Variants in PCNX2 observed in about 807,000 individuals in gnomAD.
PCNX2 encodes the protein pecanex 2.
In PCNX2, 168 loss-of-function variants were observed where a neutral mutation model predicts 223.8. The ratio of observed to expected loss-of-function variants is 0.75; its 90% confidence interval spans 0.66 to 0.85. The LOEUF (loss-of-function observed/expected upper bound fraction) is 0.85. Among genes scored for constraint, PCNX2 ranks in the 40% least tolerant of loss-of-function variants. PCNX2 has a pLI of 0.00. For missense variants in PCNX2, 2,507 were observed against 2,675.5 expected (o/e 0.94, Z 1.39); for synonymous variants, 1,006 against 1,052.6 (o/e 0.96, Z 0.86).
At chr1:233,177,573 G>A (rs534495253) in intron 17 of PCNX2, among the ~76,000 whole-genome samples, 215 of 152,332 alleles carry the variant, frequency 1.4e-3, no homozygotes, top group Admixed American at 5.0e-3. Flanking sequence ...TGCTGAGTAA[G>A]TTAAATTTAC....
intron 17 of PCNX2, among the ~76,000 whole-genome samples, chr1:233,171,127 G>GTTT (rs147948045): frequency 0.078 from 11,916 of 151,954 alleles, 670 homozygotes; most frequent in East Asian, 0.31. Context: ...GTCTAAACTT[G>GTTT]TTTATTATTA....
chr1:233,018,828 G>A, intron 26 of PCNX2: 1 of 985,450 alleles, frequency 1.0e-6, no homozygotes, highest in Non-Finnish European at 1.2e-6. Context: ...AGGGATGTGT[G>A]CTCCTGTTAG....
At chr1:233,196,496 T>C (rs1680743685) in intron 15 of PCNX2, among the ~76,000 whole-genome samples, 1 of 152,098 alleles carries the variant, frequency 6.6e-6, no homozygotes, top group African/African-American at 2.4e-5. Flanking sequence ...CTAGATTATG[T>C]AAAGAACTCT....
intron 28 of PCNX2, among the ~76,000 whole-genome samples, chr1:233,007,066 C>T (rs1054795936): frequency 5.9e-5 from 9 of 151,924 alleles, no homozygotes; most frequent in African/African-American, 2.2e-4. Flanking sequence ...ATTCCCCAAA[C>T]AAAAACAATG....
At chr1:233,279,429 T>C (rs970643421) in intron 1 of PCNX2, among the ~76,000 whole-genome samples, 4 of 149,388 alleles carry the variant, frequency 2.7e-5, no homozygotes, top group Non-Finnish European at 6.0e-5. Context: ...GTGTAAAATA[T>C]TTATATATAT....
At chr1:233,264,305 C>T (rs1346229712) in intron 1 of PCNX2, among the ~76,000 whole-genome samples, 1 of 152,146 alleles carries the variant, frequency 6.6e-6, no homozygotes, top group Non-Finnish European at 1.5e-5. Flanking sequence ...CTCAATGATT[C>T]GCAAGACCAT....
At chr1:233,174,501 C>T (rs1038677479) in intron 17 of PCNX2, among the ~76,000 whole-genome samples, 1 of 151,594 alleles carries the variant, frequency 6.6e-6, no homozygotes, top group African/African-American at 2.4e-5. Context: ...TTATATAGTA[C>T]TTCACACTCC....
At chr1:233,055,965 C>G (rs1460680924) in intron 24 of PCNX2, among the ~76,000 whole-genome samples, 2 of 152,204 alleles carry the variant, frequency 1.3e-5, no homozygotes, top group Non-Finnish European at 2.9e-5. Flanking sequence ...CAGAATAACA[C>G]TATCAAATTA....
chr1:232,986,573 G>T, intron 32 of PCNX2, 33 bp from the exon 33 acceptor site: 1 of 1,468,578 alleles, frequency 6.8e-7, no homozygotes, highest in South Asian at 1.4e-5. Flanking sequence ...GAGTTGTAGC[G>T]GGTGGGTCAT....
Position 233,236,942 on chromosome 1 carries a change from T to C in PCNX2, c.2261A>G (p.Glu754Gly). ...QVSSSSTTTS[E>G]SQDPSSGDPA... ...GTCCCCAGAAGACGGATCTTGACTC[T>C]CAGAAGTTGTGGTACTGGAGGAGCT... Residue 754 changes from glutamate to glycine, a missense_variant, in exon 9 of 34, where the codon GAG becomes GGG. Glu to Gly is a moderately conservative substitution (Grantham distance 98). Transcript: ENST00000258229. 1 of 1,614,006 alleles carries C rather than the reference T, an allele frequency of 6.2e-7. No homozygotes were observed. Among genetic ancestry groups the C allele is most frequent in the Non-Finnish European group, 8.5e-7 (1 of 1,179,868 alleles).
At chr1:233,315,377 C>G in the PCNX2 span, among the ~76,000 whole-genome samples, 2 of 152,182 alleles carry the variant, frequency 1.3e-5, no homozygotes, top group Non-Finnish European at 2.9e-5. Context: ...TTTAGTCTTT[C>G]TCTTCTGAGA....
At position 233,258,925 on chromosome 1, in the gene PCNX2, G is replaced by A. The variant is rs1262655914; in HGVS notation, c.937C>T (p.Pro313Ser). The A allele has an allele frequency of 3.1e-6, 5 of 1,613,794 alleles. No homozygotes were observed. The highest frequency in any genetic ancestry group is 4.2e-6 in the Non-Finnish European group (5 of 1,179,886). The change falls in exon 5 of 34, where the codon CCT becomes TCT. Residue 313 changes from proline to serine, a missense_variant. Around this residue, in one of 3 missense-constraint regions of PCNX2, gnomAD observed 1,031 missense variants for 1,021.7 expected, o/e 1.01. Coordinates refer to ENST00000258229, the MANE Select transcript of PCNX2 (RefSeq NM_014801.4). The stretch of plus-strand genomic sequence containing the variant: ...TTGGCCACGATGGTGTCACATTGAG[G>A]GCAGCTGCTGCTCAGGCTGTCCTGA... Reference protein sequence around the residue: ...SPQDSLSSSCPQCDTIVAKPV... With the variant: ...SPQDSLSSSCSQCDTIVAKPV...
chr1:233,159,343 C>T (rs1678326811), intron 19 of PCNX2, among the ~76,000 whole-genome samples: 1 of 152,138 alleles, frequency 6.6e-6, no homozygotes, highest in African/African-American at 2.4e-5. Context: ...TTATTTTCCC[C>T]CTTTTCCTTT....
In PCNX2 at chr1:233,293,374, C is replaced by A. The variant is rs555028265; in HGVS notation, c.153+1952G>T. On this transcript the variant is annotated intron_variant, in intron 1 of 33. Coordinates refer to ENST00000258229, the MANE Select transcript of PCNX2 (RefSeq NM_014801.4). The stretch of plus-strand genomic sequence containing the variant: ...TTAATTATATATGAGATCAGTGTTA[C>A]CAAATGCAGAGCACTCTGCTATGTA... Among the ~76,000 whole-genome samples, 3 of 152,252 alleles carry A rather than the reference C, an allele frequency of 2.0e-5. No homozygotes were observed. The South Asian group carries it at 6.2e-4, about 32-fold the overall frequency.
At chr1:233,249,896 G>A (rs1240311886) in intron 8 of PCNX2, among the ~76,000 whole-genome samples, 1 of 152,178 alleles carries the variant, frequency 6.6e-6, no homozygotes, top group Non-Finnish European at 1.5e-5. Context: ...TTTACTCTAA[G>A]CACACAGGAC....
chr1:233,047,074 T>C (rs1045785314), intron 25 of PCNX2, among the ~76,000 whole-genome samples: 14 of 152,130 alleles, frequency 9.2e-5, no homozygotes, highest in East Asian at 1.9e-4. Flanking sequence ...ATGGAGGAGA[T>C]ACAAGGCTCC....
rs116473776 is a variant in PCNX2 at position 233,128,992 on chromosome 1, G to A, written c.3837+6021C>T. Among the ~76,000 whole-genome samples, 540 of 152,340 alleles carry A rather than the reference G, an allele frequency of 3.5e-3. 6 individuals carry two copies. Among genetic ancestry groups the A allele is most frequent in the African/African-American group, 0.012 (486 of 41,588 alleles). On this transcript the variant is annotated intron_variant, in intron 21 of 33. Transcript: ENST00000258229. ...CTGGCAGCCCTCGCTCACTCTTGGC[G>A]CCTCCTCGGCCTTGGCGTCTGCTCT...
chr1:233,232,933 T>C, intron 9 of PCNX2: 2 of 984,690 alleles, frequency 2.0e-6, no homozygotes, highest in South Asian at 4.7e-5. Context: ...ACAAAACACT[T>C]TCACATACAA....
intron 23 of PCNX2, chr1:233,065,536 T>C (rs1227729273): frequency 6.6e-6 from 1 of 152,188 alleles, no homozygotes; most frequent in Admixed American, 6.5e-5. Flanking sequence ...GGATTTTACA[T>C]GTTATAAAAA....
Sources: gnomAD v4.1 joint callset for allele counts (sites outside exome capture counted in the v4.1 genomes callset) on GRCh38, gnomAD v4.1.1 for gene constraint, gnomAD v4.1.1 regional missense constraint, MANE v1.5 for transcripts, NCBI Gene and HGNC (gene_info 2026-07-23, HGNC 2026-07-21) for gene names.